The following CHLSN variants were observed in gnomAD, a reference collection of about 807,000 sequenced individuals.
CHLSN encodes the protein protein cholesin.
the CHLSN span, among the ~76,000 whole-genome samples, chr7:1,002,454 G>A: frequency 8.5e-6 from 1 of 117,834 alleles, no homozygotes; most frequent in African/African-American, 3.3e-5. Flanking sequence ...GGTGAGTGGA[G>A]TCCTGTGGGT....
chr7:987,398 G>C, the CHLSN span: 9 of 1,595,056 alleles, frequency 5.6e-6, no homozygotes, highest in Admixed American at 1.7e-5. Context: ...CGGACTCCCC[G>C]GCTGGAGGAC....
At chr7:992,595 AT>A in the CHLSN span, among the ~76,000 whole-genome samples, 1 of 152,214 alleles carries the variant, frequency 6.6e-6, no homozygotes, top group Non-Finnish European at 1.5e-5. Flanking sequence ...CCTGGTTCAG[AT>A]GTCCTGAAGC....
the CHLSN span, among the ~76,000 whole-genome samples, chr7:1,105,146 G>A: frequency 4.6e-5 from 7 of 152,200 alleles, no homozygotes; most frequent in Non-Finnish European, 7.3e-5. Flanking sequence ...AAGGGCCAGG[G>A]CAGGAGCATG....
the CHLSN span, chr7:988,740 C>T: frequency 6.9e-3 from 11,096 of 1,599,316 alleles, 62 homozygotes; most frequent in Non-Finnish European, 8.3e-3. Flanking sequence ...GGCGTCAGTC[C>T]GGCCTCCCTG....
the CHLSN span, chr7:1,029,053 A>T: frequency 6.6e-6 from 1 of 151,618 alleles, no homozygotes; most frequent in Admixed American, 6.6e-5. Flanking sequence ...CCTTTTCCTC[A>T]CCACACAGAG....
chr7:1,012,964 C>T, the CHLSN span, among the ~76,000 whole-genome samples: 244 of 152,296 alleles, frequency 1.6e-3, no homozygotes, highest in Non-Finnish European at 3.0e-3. Context: ...AGGCGGGCCC[C>T]GGGAGGGTGT....
the CHLSN span, among the ~76,000 whole-genome samples, chr7:1,059,823 T>G: frequency 4.4e-5 from 1 of 22,728 alleles, no homozygotes; most frequent in Admixed American, 6.2e-4. Flanking sequence ...GGGTCTGTAG[T>G]GGGGCGGGTC....
At chr7:1,028,668 T>A in the CHLSN span, 1 of 318,496 alleles carries the variant, frequency 3.1e-6, no homozygotes, top group Non-Finnish European at 3.7e-6. Flanking sequence ...GCCCCTATCG[T>A]CCCCCTACTT....
chr7:1,117,711 C>T, the CHLSN span, among the ~76,000 whole-genome samples: 2 of 149,828 alleles, frequency 1.3e-5, no homozygotes, highest in East Asian at 2.0e-4. Flanking sequence ...GACCGGCTTC[C>T]ATCACCAACG....
At chr7:1,027,977 A>T in the CHLSN span, among the ~76,000 whole-genome samples, 41 of 151,922 alleles carry the variant, frequency 2.7e-4, no homozygotes, top group African/African-American at 9.7e-4. Context: ...CTGGACCCCC[A>T]CCCTGCCACC....
the CHLSN span, among the ~76,000 whole-genome samples, chr7:1,075,640 T>A: frequency 7.7e-5 from 10 of 129,896 alleles, no homozygotes. Flanking sequence ...AGAGTAGGAG[T>A]CTTGCTCTGT....
the CHLSN span, among the ~76,000 whole-genome samples, chr7:989,910 C>T: frequency 8.6e-4 from 104 of 120,778 alleles, no homozygotes; most frequent in African/African-American, 3.0e-3. Flanking sequence ...GTGCTGGTGG[C>T]GGTGTGGTCG....
At chr7:994,997 A>G in the CHLSN span, among the ~76,000 whole-genome samples, 6 of 152,212 alleles carry the variant, frequency 3.9e-5, no homozygotes, top group Admixed American at 2.0e-4. Flanking sequence ...TTGCCGAGGG[A>G]CAGACGTGAG....
chr7:1,066,127 G>A, the CHLSN span, among the ~76,000 whole-genome samples: 2 of 152,246 alleles, frequency 1.3e-5, no homozygotes, highest in Non-Finnish European at 2.9e-5. Flanking sequence ...GGCGGCTGGA[G>A]GACAAGGAGA....
At chr7:1,099,287 C>T in the CHLSN span, among the ~76,000 whole-genome samples, 3 of 152,262 alleles carry the variant, frequency 2.0e-5, no homozygotes, top group African/African-American at 7.2e-5. Flanking sequence ...CTGGTCTCTG[C>T]AGACCAATTC....
the CHLSN span, chr7:1,093,635 A>T: frequency 2.1e-6 from 1 of 471,284 alleles, no homozygotes; most frequent in African/African-American, 2.0e-5. Context: ...CGTGTGGGTT[A>T]GTCGGGTGCC....
the CHLSN span, among the ~76,000 whole-genome samples, chr7:1,062,586 C>T: frequency 1.3e-5 from 2 of 152,192 alleles, no homozygotes; most frequent in African/African-American, 4.8e-5. Flanking sequence ...CTGCCCCACA[C>T]AGGCGTTACT....
chr7:1,135,660 G>A, the CHLSN span, among the ~76,000 whole-genome samples: 6 of 150,882 alleles, frequency 4.0e-5, no homozygotes, highest in Non-Finnish European at 7.4e-5. Flanking sequence ...CCAGCTACTC[G>A]GGAGGCTGAG....
the CHLSN span, among the ~76,000 whole-genome samples, chr7:1,097,931 G>C: frequency 2.0e-5 from 3 of 152,218 alleles, no homozygotes; most frequent in African/African-American, 7.2e-5. This position sits in a 1 kb window ranked among gnomAD's most constrained non-coding sequence, Gnocchi z 4.3. Flanking sequence ...GACAAAGGCA[G>C]AGCAATCATC....
Sources: allele counts gnomAD v4.1 joint callset (sites outside exome capture counted in the v4.1 genomes callset), GRCh38; gene constraint gnomAD v4.1.1; non-coding constraint Gnocchi (gnomAD v3.1); transcripts MANE v1.5; gene names NCBI Gene and HGNC (gene_info 2026-07-23, HGNC 2026-07-21).